Variants in CDC42BPB observed in about 807,000 individuals in gnomAD.
CDC42BPB encodes CDC42 binding protein kinase beta.
CDC42BPB carries 37 observed loss-of-function variants against 214.9 expected under a neutral mutation model. The observed-to-expected ratio is 0.17, with a 90% CI of 0.13 to 0.23. The LOEUF (loss-of-function observed/expected upper bound fraction) is 0.23. CDC42BPB is among the 10% of genes least tolerant of loss of function. CDC42BPB has a pLI of 1.00. For synonymous variants in CDC42BPB, 931 were observed against 884.0 expected (o/e 1.05, Z -0.94); for missense variants, 1,694 against 2,227.0 (o/e 0.76, Z 4.82).
In CDC42BPB at chr14:102,945,563, G is replaced by A. The variant is rs532321975; in HGVS notation, c.3811+99C>T. ...GGCCCCTCCGGCGCCTTCATCAAGC[G>A]CATTTGTCTTAACCCTTAGGAGCTA... is the stretch of plus-strand genomic sequence containing the variant. On this transcript the variant is annotated intron_variant, in intron 29 of 36. Coordinates refer to ENST00000361246, the MANE Select transcript of CDC42BPB (RefSeq NM_006035.4). The A allele has an allele frequency of 7.2e-4, 778 of 1,083,752 alleles. 14 individuals are homozygous for A. Among genetic ancestry groups the A allele is most frequent in the Non-Finnish European group, 1.1e-4 (78 of 718,788 alleles). 67.1% of individuals were successfully genotyped at this position (1,083,752 alleles called of 1,614,324 possible).
intron 1 of CDC42BPB, among the ~76,000 whole-genome samples, chr14:103,025,399 G>C (rs1886993600): frequency 6.6e-6 from 1 of 151,310 alleles, no homozygotes; most frequent in Non-Finnish European, 1.5e-5. Flanking sequence ...ACACAAGAAT[G>C]TTCAAAGCAG....
rs932109696 is a variant in CDC42BPB, at chr14:103,001,751, C to T, written c.448-2038G>A. Among the ~76,000 whole-genome samples the T allele has an allele frequency of 1.3e-5, 2 of 152,146 alleles. No homozygotes were observed. The highest frequency in any genetic ancestry group is 2.4e-5 in the African/African-American group (1 of 41,410). On this transcript the variant is annotated intron_variant, in intron 4 of 36. Transcript: ENST00000361246. The surrounding 1 kb of genome is among the most constrained non-coding windows in gnomAD (Gnocchi z 5.8). ...GGCCAGGGGAGATGCGGTGAACGAA[C>T]GGCCAGGCCCTCGGGCCCCTAAGGA... is the stretch of plus-strand genomic sequence containing the variant.
intron 1 of CDC42BPB, among the ~76,000 whole-genome samples, chr14:103,022,857 C>T (rs1886846908): frequency 6.6e-6 from 1 of 152,048 alleles, no homozygotes; most frequent in South Asian, 2.1e-4. Context: ...GTGCCTCCAC[C>T]CAGTCAGTAG....
chr14:103,026,825 GC>G (rs1358212633), intron 1 of CDC42BPB, among the ~76,000 whole-genome samples: 3 of 151,092 alleles, frequency 2.0e-5, no homozygotes, highest in African/African-American at 7.3e-5. Context: ...CTGAGATCGC[GC>G]CACTGCACTC....
intron 1 of CDC42BPB, among the ~76,000 whole-genome samples, chr14:103,042,407 T>A (rs1888054058): frequency 6.6e-6 from 1 of 151,894 alleles, no homozygotes; most frequent in South Asian, 2.1e-4. Context: ...GCCTCCCGGG[T>A]TCACGCCGTT....
intron 23 of CDC42BPB, among the ~76,000 whole-genome samples, chr14:102,953,509 T>G (rs1260219634): frequency 6.6e-6 from 1 of 152,248 alleles, no homozygotes; most frequent in Admixed American, 6.5e-5. Flanking sequence ...CATAGCTGCC[T>G]GTGGCAGGAA....
chr14:102,933,675 T>A lies in CDC42BPB; in HGVS notation c.*37A>T. 1 of 1,408,564 alleles carries A rather than the reference T, an allele frequency of 7.1e-7. No homozygotes were observed. The allele number at this position is 1,408,564 out of a possible 1,614,324, so 87.3% of individuals were successfully genotyped here. ...GTCTTGGCACTGACGCTGGAGGCCA[T>A]CTCCAGCTCCCTGGCCCCTGTGGCG... On this transcript the variant is annotated 3_prime_UTR_variant, in exon 37 of 37. Coordinates refer to ENST00000361246, the MANE Select transcript of CDC42BPB (RefSeq NM_006035.4).
rs151083985 is a variant in CDC42BPB at position 102,943,997 on chromosome 14, G to A, written c.4302C>T (p.Ser1434=). ...GGCTGAAGCAAAGCAGGTACTCCTCGCTTTCGAGCTCCACAGCACAAAGGG... is the reference window on the plus strand; with the variant it reads ...GGCTGAAGCAAAGCAGGTACTCCTCACTTTCGAGCTCCACAGCACAAAGGG... ...FDALCAVELE[S]EEYLLCFSHM... is the part of the protein sequence containing the mutation. Residue 1434 remains serine, a synonymous_variant, in exon 30 of 37, where the codon AGC becomes AGT. Coordinates refer to ENST00000361246, the MANE Select transcript of CDC42BPB (RefSeq NM_006035.4). This position sits in a 1 kb window ranked among gnomAD's most constrained non-coding sequence, Gnocchi z 4.6. The A allele has an allele frequency of 2.2e-5, 36 of 1,613,288 alleles. No individual in the cohort carries two copies. The highest frequency in any genetic ancestry group is 2.8e-5 in the Non-Finnish European group (33 of 1,180,018).
intron 1 of CDC42BPB, among the ~76,000 whole-genome samples, chr14:103,039,761 A>G (rs952023826): frequency 5.9e-5 from 9 of 152,186 alleles, no homozygotes; most frequent in African/African-American, 2.2e-4. Flanking sequence ...TGAAGGTTCT[A>G]GGCAGGGCAA....
intron 30 of CDC42BPB, chr14:102,941,122 C>G (rs1280697943): frequency 1.0e-6 from 1 of 985,338 alleles, no homozygotes; most frequent in East Asian, 1.1e-4. Context: ...GTCTTCCGCT[C>G]AGTCCCTCTG....
chr14:103,023,128 C>T (rs1330969535), intron 1 of CDC42BPB, among the ~76,000 whole-genome samples: 2 of 151,568 alleles, frequency 1.3e-5, no homozygotes, highest in South Asian at 2.1e-4. Context: ...CCCTCAGTCT[C>T]CCGAGTAGCA....
intron 1 of CDC42BPB, among the ~76,000 whole-genome samples, chr14:103,043,697 A>C (rs551321006): frequency 6.6e-6 from 1 of 152,318 alleles, no homozygotes; most frequent in South Asian, 2.1e-4. Flanking sequence ...AAAGGAAAAA[A>C]ATTATCTGGT....
At chr14:102,978,722 G>A (rs1247068225) in intron 8 of CDC42BPB, among the ~76,000 whole-genome samples, 1 of 152,148 alleles carries the variant, frequency 6.6e-6, no homozygotes. Flanking sequence ...ACTATAACCA[G>A]GGGCCAGGCA....
In CDC42BPB at chr14:102,975,849, C is replaced by A. The variant is rs373012268; in HGVS notation, c.1387+34G>T. ...GTGAGGTGCAGCCTGGCCGCAGCGCCCCCGCCTGGCCCCGGAGCCGGCGCT... is the reference window on the plus strand; with the variant it reads ...GTGAGGTGCAGCCTGGCCGCAGCGCACCCGCCTGGCCCCGGAGCCGGCGCT... On this transcript the variant is annotated intron_variant, in intron 10 of 36. Transcript: ENST00000361246. 12 of 1,613,770 alleles carry A rather than the reference C, an allele frequency of 7.4e-6. No individual in the cohort carries two copies. The African/African-American group carries it at 1.6e-4, about 22-fold the overall frequency.
chr14:102,965,001 C>T (rs1360473164), intron 18 of CDC42BPB, among the ~76,000 whole-genome samples: 1 of 151,870 alleles, frequency 6.6e-6, no homozygotes, highest in South Asian at 2.1e-4. Flanking sequence ...TCTCAGCTTA[C>T]CGCGACCTCC....
chr14:103,032,536 A>AAAC (rs1491412605), intron 1 of CDC42BPB, among the ~76,000 whole-genome samples: 3 of 99,136 alleles, frequency 3.0e-5, no homozygotes, highest in African/African-American at 2.1e-4. Flanking sequence ...AATAAACTGC[A>AAAC]AAAAAAAAAA....
In CDC42BPB at chr14:102,944,048, C is replaced by T. The variant is rs150321401; in HGVS notation, c.4251G>A (p.Ala1417=). 3.5e-5 allele frequency: 57 copies of T among 1,613,600 alleles called. No homozygotes were observed. Among genetic ancestry groups the T allele is most frequent in the African/African-American group, 3.2e-4 (24 of 75,044 alleles). Residue 1417 remains alanine, a synonymous_variant, in exon 30 of 37, where the codon GCG becomes GCA. Coordinates refer to ENST00000361246, the MANE Select transcript of CDC42BPB (RefSeq NM_006035.4). This position sits in a 1 kb window ranked among gnomAD's most constrained non-coding sequence, Gnocchi z 6.6. ...CATCAAAAGACTGTTGTGAGAGGAA[C>T]GCAAGCGAGGGGTCATTGGGATTTA... is the stretch of plus-strand genomic sequence containing the variant. ...NLVNPNDPSL[A]FLSQQSFDAL...
chr14:102,997,157 A>G (rs1894776740), intron 5 of CDC42BPB, among the ~76,000 whole-genome samples: 1 of 152,298 alleles, frequency 6.6e-6, no homozygotes, highest in Non-Finnish European at 1.5e-5. Context: ...AGGGGGCCCG[A>G]GCACAGGCCT....
At chr14:103,056,690 G>C (rs1344276921) in intron 1 of CDC42BPB, among the ~76,000 whole-genome samples, 2 of 150,680 alleles carry the variant, frequency 1.3e-5, no homozygotes, top group Non-Finnish European at 3.0e-5. Flanking sequence ...GGGGGTGGGA[G>C]TGGGAACGTA....
Sources: allele counts gnomAD v4.1 joint callset (sites outside exome capture counted in the v4.1 genomes callset), GRCh38; gene constraint gnomAD v4.1.1; non-coding constraint Gnocchi (gnomAD v3.1); transcripts MANE v1.5; gene names NCBI Gene and HGNC (gene_info 2026-07-23, HGNC 2026-07-21).